The following NAMPT variants were observed in gnomAD, a reference collection of about 807,000 sequenced individuals.
The protein encoded by NAMPT is NAmPRTase.
Under a neutral mutation model 58.7 loss-of-function variants are expected in NAMPT, and 7 were observed. The observed-to-expected ratio is 0.12, with a 90% CI of 0.07 to 0.22. The LOEUF (loss-of-function observed/expected upper bound fraction) is 0.22. NAMPT is among the 10% of genes least tolerant of loss of function. The probability of loss-of-function intolerance (pLI) is 1.00; values close to 1 mark genes in which losing one functional copy is unlikely to be tolerated. For synonymous variants in NAMPT, 145 were observed against 198.1 expected (o/e 0.73, Z 2.25); for missense variants, 271 against 567.9 (o/e 0.48, Z 5.31).
At chr7:106,269,445 C>T in intron 4 of NAMPT, 133 bp from the exon 5 acceptor site, 2 of 770,040 alleles carry the variant, frequency 2.6e-6, no homozygotes, top group South Asian at 1.9e-5. Context: ...CAGAACTGCG[C>T]AGCAGGATGC....
chr7:106,267,090 T>TA (rs915086155), intron 6 of NAMPT, among the ~76,000 whole-genome samples: 1 of 152,238 alleles, frequency 6.6e-6, no homozygotes, highest in Non-Finnish European at 1.5e-5. Flanking sequence ...AGAGAATGAA[T>TA]AAGTGCCCAA....
chr7:106,259,794 T>C (rs972189015), intron 8 of NAMPT, among the ~76,000 whole-genome samples: 3 of 152,070 alleles, frequency 2.0e-5, no homozygotes, highest in Non-Finnish European at 2.9e-5. Context: ...GACGTTGTGT[T>C]AGCAGGCATG....
rs1000375152 is a variant in NAMPT, at chr7:106,249,868, T to G, written c.*1215A>C. On this transcript the variant is annotated 3_prime_UTR_variant, in exon 11 of 11. Coordinates refer to ENST00000222553, the MANE Select transcript of NAMPT (RefSeq NM_005746.3). ...ATGTGATGTATGATTCAGAATCTAG[T>G]AGCTAATCACTCTAGAACATTTTGA... The G allele has an allele frequency of 6.6e-6, 1 of 152,050 alleles. No individual in the cohort carries two copies. Among genetic ancestry groups the G allele is most frequent in the Non-Finnish European group, 1.5e-5 (1 of 67,940 alleles). 9.4% of individuals were successfully genotyped at this position (152,050 alleles called of 1,614,324 possible). A position where few individuals can be genotyped will look rare whatever the true frequency, so the allele number is the denominator to read the frequency against.
intron 7 of NAMPT, among the ~76,000 whole-genome samples, chr7:106,262,216 T>C (rs1407740272): frequency 6.6e-6 from 1 of 152,062 alleles, no homozygotes; most frequent in African/African-American, 2.4e-5. Context: ...GTCTCTAAGT[T>C]CTCCTTTGCT....
intron 1 of NAMPT, among the ~76,000 whole-genome samples, chr7:106,277,679 A>G (rs1185960983): frequency 6.6e-6 from 1 of 152,208 alleles, no homozygotes; most frequent in Non-Finnish European, 1.5e-5. Flanking sequence ...AACCTGGATG[A>G]CAGCAACGGC....
chr7:106,270,059 A>G (rs1208063961), intron 4 of NAMPT, among the ~76,000 whole-genome samples: 1 of 152,216 alleles, frequency 6.6e-6, no homozygotes, highest in South Asian at 2.1e-4. Context: ...TAATTCAGTG[A>G]CTATTAAGTT....
intron 8 of NAMPT, among the ~76,000 whole-genome samples, chr7:106,256,913 C>T (rs576950315): frequency 2.0e-5 from 3 of 152,288 alleles, no homozygotes; most frequent in Admixed American, 6.5e-5. Context: ...CAATGGCTCA[C>T]GCCTGTAATC....
chr7:106,269,978 ATAAAATACTCACG>A (rs1792500734), intron 4 of NAMPT, among the ~76,000 whole-genome samples: 1 of 152,236 alleles, frequency 6.6e-6, no homozygotes, highest in Non-Finnish European at 1.5e-5. Context: ...TAAGTATTTG[ATAAAATACTCACG>A]TAAGTTACAG....
chr7:106,285,229 G>T, upstream of NAMPT: 1 of 1,023,392 alleles, frequency 9.8e-7, no homozygotes. Context: ...CGGGGAGGAG[G>T]ACGTGATGCA....
chr7:106,262,121 C>G (rs940393821), intron 7 of NAMPT, among the ~76,000 whole-genome samples: 1 of 151,942 alleles, frequency 6.6e-6, no homozygotes, highest in Non-Finnish European at 1.5e-5. Context: ...TGGTTTTTGT[C>G]TGATATATAA....
chr7:106,256,717 G>T (rs1184007158), intron 8 of NAMPT, among the ~76,000 whole-genome samples: 1 of 152,200 alleles, frequency 6.6e-6, no homozygotes, highest in Non-Finnish European at 1.5e-5. Flanking sequence ...CACCTGTAGG[G>T]TAAGGGAGGC....
chr7:106,279,877 CAAG>C (rs2115833697), intron 1 of NAMPT, among the ~76,000 whole-genome samples: 1 of 151,988 alleles, frequency 6.6e-6, no homozygotes, highest in East Asian at 1.9e-4. Context: ...ACCTAAATGA[CAAG>C]GAGACAGGAA....
intron 7 of NAMPT, among the ~76,000 whole-genome samples, chr7:106,262,208 C>T (rs907985165): frequency 1.3e-5 from 2 of 152,112 alleles, no homozygotes; most frequent in African/African-American, 4.8e-5. Flanking sequence ...AACCCATAGT[C>T]TCTAAGTTCT....
rs1296902811 is a variant in NAMPT, at chr7:106,268,610, C to T, written c.607-10G>A. The T allele has an allele frequency of 1.9e-6, 3 of 1,602,134 alleles. No homozygotes were observed. Among genetic ancestry groups the T allele is most frequent in the East Asian group, 4.5e-5 (2 of 44,810 alleles). ...CTCCTATGCCAGCAGTCTGGAAAAT[C>T]AATCATAAACCAAAATCCAAAACAG... On this transcript the variant is annotated splice_polypyrimidine_tract_variant and intron_variant, in intron 5 of 10. Transcript: ENST00000222553.
At chr7:106,267,299 G>C (rs1379148385) in intron 6 of NAMPT, among the ~76,000 whole-genome samples, 2 of 152,152 alleles carry the variant, frequency 1.3e-5, no homozygotes, top group Non-Finnish European at 2.9e-5. Flanking sequence ...TTCATCCTGA[G>C]AATAGGGTCA....
intron 4 of NAMPT, 119 bp from the exon 5 acceptor site, chr7:106,269,431 G>A: frequency 1.1e-6 from 1 of 885,072 alleles, no homozygotes; most frequent in Non-Finnish European, 1.7e-6. Context: ...CTATTAACTA[G>A]ACACAGAACT....
Position 106,284,569 on chromosome 7 carries a change from G to GCGC in NAMPT, c.57+256_57+258dup, listed in dbSNP as rs1028988058. ...CTGGGGCCCGCCTCAGCCCCCCGCCGCGCCGCCGCCGCCGCGCGCCCCCAG... is the reference window on the plus strand; with the variant it reads ...CTGGGGCCCGCCTCAGCCCCCCGCCGCGCCGCCGCCGCCGCCGCGCGCCCCCAG... On this transcript the variant is annotated intron_variant, in intron 1 of 10. Transcript: ENST00000222553. 3.6e-4 allele frequency: 64 copies of GCGC among 176,942 alleles called. 1 individual carries two copies. The highest frequency in any genetic ancestry group is 4.9e-3 in the Middle Eastern group (2 of 408). The allele number at this position is 176,942 out of a possible 1,614,324, so 11.0% of individuals were successfully genotyped here. A position where few individuals can be genotyped will look rare whatever the true frequency, so the allele number is the denominator to read the frequency against.
intron 8 of NAMPT, among the ~76,000 whole-genome samples, chr7:106,257,168 ATT>A (rs1256611444): frequency 6.6e-6 from 1 of 151,780 alleles, no homozygotes. Flanking sequence ...AGAAAAAGAT[ATT>A]TTTCCTTCCT....
rs1329783051 is a variant in NAMPT at position 106,250,990 on chromosome 7, T to C, written c.*93A>G. On this transcript the variant is annotated 3_prime_UTR_variant, in exon 11 of 11. Coordinates refer to ENST00000222553, the MANE Select transcript of NAMPT (RefSeq NM_005746.3). ...GTATGTCCATAAACCAACAAATAAT[T>C]TGGCTGTAATGTATCATAAAACACA... is the stretch of plus-strand genomic sequence containing the variant. The C allele has an allele frequency of 3.4e-6, 3 of 890,010 alleles. No individual in the cohort carries two copies. Among genetic ancestry groups the C allele is most frequent in the Non-Finnish European group, 5.4e-6 (3 of 550,986 alleles). The allele number at this position is 890,010 out of a possible 1,614,324, so 55.1% of individuals were successfully genotyped here.
Sources: allele counts gnomAD v4.1 joint callset (sites outside exome capture counted in the v4.1 genomes callset), GRCh38; gene constraint gnomAD v4.1.1; transcripts MANE v1.5; gene names NCBI Gene and HGNC (gene_info 2026-07-23, HGNC 2026-07-21).